Variants in LHFPL6 observed in about 807,000 individuals in gnomAD.
LHFPL6 encodes the protein LHFPL tetraspan subfamily member 6.
Under a neutral mutation model 20.6 loss-of-function variants are expected in LHFPL6, and 9 were observed. That is an observed-to-expected ratio of 0.44 (90% CI 0.26 to 0.76). The LOEUF (loss-of-function observed/expected upper bound fraction) is 0.76. Ranked by LOEUF, LHFPL6 falls within the 30% of genes least tolerant of loss-of-function variation. The pLI, the probability that LHFPL6 is intolerant of heterozygous loss-of-function variation, is 0.20. For missense variants in LHFPL6, 218 were observed against 253.5 expected (o/e 0.86, Z 0.95); for synonymous variants, 105 against 98.7 (o/e 1.06, Z -0.38).
intron 2 of LHFPL6, among the ~76,000 whole-genome samples, chr13:39,422,330 G>A (rs1217541751): frequency 6.6e-6 from 1 of 152,138 alleles, no homozygotes; most frequent in Non-Finnish European, 1.5e-5. Flanking sequence ...CGGGAGCAGT[G>A]GCTCACGCCT....
chr13:39,483,215 AC>A (rs1258467166), intron 2 of LHFPL6, among the ~76,000 whole-genome samples: 1 of 144,116 alleles, frequency 6.9e-6, no homozygotes, highest in African/African-American at 2.7e-5. Context: ...ATTTGAACTT[AC>A]ATTAAAAAGA....
chr13:39,410,197 C>T (rs1323109238), intron 2 of LHFPL6, among the ~76,000 whole-genome samples: 2 of 152,160 alleles, frequency 1.3e-5, no homozygotes, highest in Non-Finnish European at 2.9e-5. Context: ...AAAAAAGAAA[C>T]CTAAGACACA....
At chr13:39,429,032 C>T (rs1229124452) in intron 2 of LHFPL6, among the ~76,000 whole-genome samples, 1 of 152,074 alleles carries the variant, frequency 6.6e-6, no homozygotes, top group Non-Finnish European at 1.5e-5. Context: ...GACAACATGA[C>T]TTGAATCTTC....
chr13:39,576,386 C>A (rs764306894), intron 2 of LHFPL6, among the ~76,000 whole-genome samples: 3 of 152,110 alleles, frequency 2.0e-5, no homozygotes, highest in Non-Finnish European at 2.9e-5. Context: ...GCATTAGTTC[C>A]AATTTGTGGT....
At chr13:39,533,185 G>A (rs1373182673) in intron 2 of LHFPL6, among the ~76,000 whole-genome samples, 1 of 152,170 alleles carries the variant, frequency 6.6e-6, no homozygotes, top group African/African-American at 2.4e-5. Context: ...CATGTGGGTG[G>A]CCCAAGTCCT....
intron 2 of LHFPL6, among the ~76,000 whole-genome samples, chr13:39,398,638 T>C (rs1056402741): frequency 1.3e-5 from 2 of 152,176 alleles, no homozygotes; most frequent in African/African-American, 4.8e-5. Context: ...GCCACCAGCC[T>C]CTAAAACAGG....
chr13:39,372,185 CAGTCA>C (rs1261375044), intron 3 of LHFPL6, among the ~76,000 whole-genome samples: 1 of 152,146 alleles, frequency 6.6e-6, no homozygotes, highest in East Asian at 1.9e-4. Flanking sequence ...GCTCCTGAGT[CAGTCA>C]AGTCTGTAGC....
intron 2 of LHFPL6, among the ~76,000 whole-genome samples, chr13:39,497,199 G>T (rs1340881677): frequency 6.6e-6 from 1 of 152,146 alleles, no homozygotes; most frequent in Non-Finnish European, 1.5e-5. Context: ...AAGGCATGAT[G>T]TCAGGTTTTA....
At chr13:39,584,700 T>C (rs967007230) in intron 2 of LHFPL6, among the ~76,000 whole-genome samples, 6 of 152,002 alleles carry the variant, frequency 3.9e-5, no homozygotes, top group African/African-American at 1.5e-4. Context: ...GCTTAATGTC[T>C]AGGATTATAA....
chr13:39,596,656 A>T (rs200312564), intron 2 of LHFPL6, among the ~76,000 whole-genome samples: 16 of 2,738 alleles, frequency 5.8e-3, no homozygotes, highest in Non-Finnish European at 0.011. Flanking sequence ...GGCATAATTT[A>T]AAAAAAAAAA....
At chr13:39,411,109 T>C (rs1871233154) in intron 2 of LHFPL6, among the ~76,000 whole-genome samples, 1 of 152,238 alleles carries the variant, frequency 6.6e-6, no homozygotes, top group South Asian at 2.1e-4. Flanking sequence ...GTATGATATG[T>C]ATGCGTGAAT....
At chr13:39,435,293 C>A (rs180721622) in intron 2 of LHFPL6, among the ~76,000 whole-genome samples, 3 of 152,110 alleles carry the variant, frequency 2.0e-5, no homozygotes, top group African/African-American at 7.2e-5. Flanking sequence ...GAGCATTGGG[C>A]TAACGTTTTA....
At chr13:39,500,018 T>TA (rs373222755) in intron 2 of LHFPL6, among the ~76,000 whole-genome samples, 1 of 152,022 alleles carries the variant, frequency 6.6e-6, no homozygotes, top group African/African-American at 2.4e-5. Flanking sequence ...TTTTTTTTTT[T>TA]AATCAAACTC....
intron 2 of LHFPL6, among the ~76,000 whole-genome samples, chr13:39,567,800 T>G (rs1204047081): frequency 1.3e-5 from 2 of 152,218 alleles, no homozygotes; most frequent in South Asian, 2.1e-4. Flanking sequence ...CCTATTTTTG[T>G]AAATAAAGTT....
intron 2 of LHFPL6, among the ~76,000 whole-genome samples, chr13:39,567,146 A>G (rs977317886): frequency 7.9e-5 from 12 of 151,970 alleles, no homozygotes; most frequent in African/African-American, 2.4e-4. Context: ...AGATCAGAAG[A>G]CTCCAAAGTT....
intron 2 of LHFPL6, among the ~76,000 whole-genome samples, chr13:39,471,587 T>C (rs929454429): frequency 6.6e-6 from 1 of 152,212 alleles, no homozygotes; most frequent in African/African-American, 2.4e-5. Context: ...TCTCCCAGTG[T>C]CATTTCTGAA....
intron 2 of LHFPL6, among the ~76,000 whole-genome samples, chr13:39,574,241 G>A (rs1243287254): frequency 1.3e-5 from 2 of 152,172 alleles, no homozygotes; most frequent in African/African-American, 4.8e-5. Context: ...CCAGCACTTT[G>A]GGAGGCCGAG....
chr13:39,591,378 T>G lies in LHFPL6; in HGVS notation c.385+9454A>C, dbSNP rs1356370691. Among the ~76,000 whole-genome samples, 3 of 152,138 alleles carry G rather than the reference T, an allele frequency of 2.0e-5. No individual in the cohort carries two copies. The East Asian group carries it at 5.8e-4, about 29-fold the overall frequency. The stretch of plus-strand genomic sequence containing the variant: ...ATCTAAGTATAGCATGGAAAATATT[T>G]CATTCTTTTTTATGAGTGTATATAC... On this transcript the variant is annotated intron_variant, in intron 2 of 3. Transcript: ENST00000379589.
In LHFPL6 at chr13:39,378,422, G is replaced by A. The variant is rs1870350626; in HGVS notation, c.484+6C>T. The A allele has an allele frequency of 5.6e-6, 9 of 1,611,628 alleles. No homozygotes were observed. The highest frequency in any genetic ancestry group is 1.3e-5 in the African/African-American group (1 of 74,806). ...AAAAGGAGTGCCATCCATGAAGAAA[G>A]CTTACCCAGGTCAAACTGGCCAGAA... On this transcript the variant is annotated splice_donor_region_variant and intron_variant, in intron 3 of 3. Transcript: ENST00000379589.
Sources: allele counts gnomAD v4.1 joint callset (sites outside exome capture counted in the v4.1 genomes callset), GRCh38; gene constraint gnomAD v4.1.1; transcripts MANE v1.5; gene names NCBI Gene and HGNC (gene_info 2026-07-23, HGNC 2026-07-21).